The following NHSL2 variants were observed in gnomAD, a reference collection of about 807,000 sequenced individuals.
NHSL2 encodes the protein NHS like 2, also known as NHS-like protein 2.
NHSL2 carries 27 observed loss-of-function variants against 53.4 expected under a neutral mutation model. That is an observed-to-expected ratio of 0.51 (90% confidence interval 0.37 to 0.70). The LOEUF is 0.70. Ranked by LOEUF, NHSL2 falls within the 30% of genes least tolerant of loss-of-function variation. The pLI is 0.00. For synonymous variants in NHSL2, 408 were observed against 404.1 expected, an observed-to-expected ratio of 1.01 and a Z score of -0.12; for missense variants, 892 against 980.1, an observed-to-expected ratio of 0.91 and a Z score of 1.20.
At chrX:71,964,041 A>ATGTGTATATATATATGTGTGTG (rs1396579843) in intron 1 of NHSL2, among the ~76,000 whole-genome samples, 1 of 9,816 alleles carries the variant, frequency 1.0e-4, no homozygotes, top group Non-Finnish European at 3.0e-4. Context: ...ATATATATAT[A>ATGTGTATATATATATGTGTGTG]TGTATATATA....
chrX:72,053,635 T>C (rs779934851), intron 1 of NHSL2, among the ~76,000 whole-genome samples: 2 of 111,252 alleles, frequency 1.8e-5, no homozygotes, highest in East Asian at 5.7e-4. Context: ...TGCACATGTC[T>C]TTGCCTTCAG....
At position 72,132,158 on chromosome X, in the gene NHSL2, C is replaced by T. The variant is rs751512032; in HGVS notation, c.360C>T (p.Phe120=). 2.8e-4 allele frequency: 321 copies of T among 1,165,025 alleles called. No homozygotes were observed. In the South Asian group the frequency reaches 3.3e-3, roughly 12 times the overall value. The change falls in exon 2 of 8, where the codon TTC becomes TTT. Residue 120 remains phenylalanine (F), a synonymous_variant. Coordinates refer to ENST00000633930, the MANE Select transcript of NHSL2 (RefSeq NM_001013627.3). ...CATGGCGACAGCCAGTGAACGTGTT[C>T]CTCTCCTCGGGCAGGCCCCCGAGTG... ...RSSWRQPVNV[F]LSSGRPPSVE...
chrX:72,035,189 C>A (rs539969981), intron 1 of NHSL2, among the ~76,000 whole-genome samples: 7 of 111,858 alleles, frequency 6.3e-5, no homozygotes, highest in African/African-American at 2.3e-4. Flanking sequence ...TGTTTAATTT[C>A]CAGGTGTTTG....
chrX:72,094,920 T>A (rs1229900465), intron 1 of NHSL2, among the ~76,000 whole-genome samples: 1 of 112,169 alleles, frequency 8.9e-6, no homozygotes, highest in Non-Finnish European at 1.9e-5. Context: ...CAGGGTGCAG[T>A]AAAGCAAGAG....
At chrX:72,059,323 A>T (rs1396898075) in intron 1 of NHSL2, among the ~76,000 whole-genome samples, 1 of 110,628 alleles carries the variant, frequency 9.0e-6, no homozygotes, top group Non-Finnish European at 1.9e-5. Context: ...TCAGCCTTCC[A>T]CATTGCAGCC....
chrX:71,935,655 G>C (rs2041734828), intron 1 of NHSL2, among the ~76,000 whole-genome samples: 1 of 112,541 alleles, frequency 8.9e-6, no homozygotes, highest in East Asian at 2.8e-4. Flanking sequence ...GTGTAAACAG[G>C]TACTAATGGG....
intron 1 of NHSL2, among the ~76,000 whole-genome samples, chrX:72,098,337 T>A (rs2147456383): frequency 9.0e-6 from 1 of 111,665 alleles, no homozygotes; most frequent in South Asian, 3.7e-4. Context: ...TCCCAGCACT[T>A]TGGGAAGCCG....
intron 1 of NHSL2, among the ~76,000 whole-genome samples, chrX:72,110,114 C>G (rs1399074331): frequency 1.8e-5 from 2 of 111,537 alleles, no homozygotes; most frequent in Non-Finnish European, 3.8e-5. Flanking sequence ...CCACCAGCTT[C>G]TTAGTTGCCT....
At chrX:71,973,791 G>A (rs772582471) in intron 1 of NHSL2, among the ~76,000 whole-genome samples, 2 of 111,796 alleles carry the variant, frequency 1.8e-5, no homozygotes, top group Non-Finnish European at 1.9e-5. Flanking sequence ...GGTGGGAGAA[G>A]GAAGCCCAGT....
chrX:71,997,106 G>A (rs776437204), intron 1 of NHSL2, among the ~76,000 whole-genome samples: 2 of 112,411 alleles, frequency 1.8e-5, no homozygotes, highest in Non-Finnish European at 3.8e-5. Flanking sequence ...GCCCAGTGGG[G>A]GACAGTCAAA....
intron 5 of NHSL2, among the ~76,000 whole-genome samples, chrX:72,138,012 T>C (rs1273021810): frequency 1.8e-5 from 2 of 111,464 alleles, no homozygotes; most frequent in Non-Finnish European, 3.8e-5. Context: ...TAGCTTTGCA[T>C]CTTGGGCATG....
chrX:72,013,235 C>T (rs1602309620), intron 1 of NHSL2, among the ~76,000 whole-genome samples: 1 of 112,069 alleles, frequency 8.9e-6, no homozygotes, highest in African/African-American at 3.2e-5. Flanking sequence ...TAGTTTTCAG[C>T]ATATAAGCGC....
At chrX:71,942,617 G>A (rs2041771643) in intron 1 of NHSL2, among the ~76,000 whole-genome samples, 2 of 112,463 alleles carry the variant, frequency 1.8e-5, no homozygotes, top group Admixed American at 1.9e-4. Flanking sequence ...GGTTTCAAGG[G>A]TATTATTGTT....
At chrX:72,114,777 C>A (rs958499983) in intron 1 of NHSL2, among the ~76,000 whole-genome samples, 2 of 112,270 alleles carry the variant, frequency 1.8e-5, no homozygotes, top group African/African-American at 6.5e-5. Context: ...TGAGGTGGAA[C>A]CTTGGCGGCA....
rs765606071 is a variant in NHSL2 at position 72,139,404 on chromosome X, G to A, written c.1856G>A (p.Gly619Asp). 44 of 1,208,860 alleles carry A rather than the reference G, an allele frequency of 3.6e-5. No homozygotes were observed. Among genetic ancestry groups the A allele is most frequent in the Non-Finnish European group, 4.7e-5 (42 of 894,723 alleles). Residue 619 changes from glycine to aspartate, a missense_variant, in exon 6 of 8, where the codon GGT becomes GAT. Transcript: ENST00000633930. Reference protein sequence around the residue: ...GHHSSHPDAQGHPAIPNHKDP... With the variant: ...GHHSSHPDAQDHPAIPNHKDP... ...CACTCGTCCCACCCAGATGCTCAGG[G>A]TCACCCAGCTATTCCAAACCACAAA...
At chrX:71,932,764 T>C (rs1217542564) in intron 1 of NHSL2, among the ~76,000 whole-genome samples, 1 of 112,304 alleles carries the variant, frequency 8.9e-6, no homozygotes, top group Non-Finnish European at 1.9e-5. Context: ...TATTATTAAG[T>C]TATCTGATCC....
intron 1 of NHSL2, among the ~76,000 whole-genome samples, chrX:71,977,679 C>T (rs1013315822): frequency 9.0e-6 from 1 of 111,554 alleles, no homozygotes; most frequent in African/African-American, 3.3e-5. Flanking sequence ...TCCCAGAGTG[C>T]GAGGATTACA....
At chrX:71,922,223 G>A (rs1384820482) in intron 1 of NHSL2, among the ~76,000 whole-genome samples, 1 of 112,394 alleles carries the variant, frequency 8.9e-6, no homozygotes, top group Non-Finnish European at 1.9e-5. Flanking sequence ...CTCACCCAGA[G>A]AAAGGAAGAG....
At chrX:72,135,389 C>T (rs777754893) in intron 4 of NHSL2, among the ~76,000 whole-genome samples, 137 of 111,486 alleles carry the variant, frequency 1.2e-3, no homozygotes, top group African/African-American at 4.3e-3. Flanking sequence ...ACTATTAATC[C>T]ATGATCTACA....
Sources: allele counts gnomAD v4.1 joint callset (sites outside exome capture counted in the v4.1 genomes callset), GRCh38; gene constraint gnomAD v4.1.1; transcripts MANE v1.5; gene names NCBI Gene and HGNC (gene_info 2026-07-23, HGNC 2026-07-21).